The following SLK variants were observed in gnomAD, a reference collection of about 807,000 sequenced individuals.
The protein encoded by SLK is STE20 like kinase, also known as STE20-like serine/threonine-protein kinase.
SLK carries 67 observed loss-of-function variants against 147.7 expected under a neutral mutation model. The observed-to-expected ratio is 0.45, with a 90% CI of 0.37 to 0.56. The LOEUF (loss-of-function observed/expected upper bound fraction) is 0.56. Ranked by LOEUF, SLK falls within the 20% of genes least tolerant of loss-of-function variation. The probability of loss-of-function intolerance (pLI) is 0.00; values close to 1 mark genes in which losing one functional copy is unlikely to be tolerated. For synonymous variants in SLK, 441 were observed against 475.0 expected (o/e 0.93, Z 0.93); for missense variants, 1,136 against 1,438.8 (o/e 0.79, Z 3.41).
At chr10:104,009,553 G>A (rs565229283) in intron 12 of SLK, among the ~76,000 whole-genome samples, 9 of 152,072 alleles carry the variant, frequency 5.9e-5, no homozygotes, top group African/African-American at 2.2e-4. Flanking sequence ...ATGTAGAATT[G>A]CTGTATATAC....
rs769225931 is a variant in SLK at position 104,003,270 on chromosome 10, G to A, written c.2092G>A (p.Val698Ile). ...AATTAAAAAAGAGCCTGAAGTTACTGTAGTTTCACAGCCCACTGAACCTCA... is the reference window on the plus strand; with the variant it reads ...AATTAAAAAAGAGCCTGAAGTTACTATAGTTTCACAGCCCACTGAACCTCA... ...VSIKKEPEVT[V>I]VSQPTEPQPV... The change falls in exon 9 of 19, where the codon GTA becomes ATA. Residue 698 changes from valine (V) to isoleucine (I), a missense_variant. Physicochemically the swap from Val to Ile is conservative, Grantham distance 29. Around this residue, in one of 6 missense-constraint regions of SLK, gnomAD observed 516 missense variants for 531.3 expected, o/e 0.97. Coordinates refer to ENST00000369755, the MANE Select transcript of SLK (RefSeq NM_014720.4). 1.9e-6 allele frequency: 3 copies of A among 1,613,846 alleles called. No homozygotes were observed. The highest frequency in any genetic ancestry group is 1.7e-5 in the Admixed American group (1 of 59,934).
intron 1 of SLK, 151 bp from the exon 2 acceptor site, chr10:103,990,524 T>G: frequency 2.1e-6 from 1 of 481,732 alleles, no homozygotes; most frequent in Non-Finnish European, 3.5e-6. Context: ...CTGTGGCTTG[T>G]CTTCTCATTC....
At chr10:103,980,356 CCAT>C (rs1464652761) in intron 1 of SLK, among the ~76,000 whole-genome samples, 1 of 152,122 alleles carries the variant, frequency 6.6e-6, no homozygotes, top group Non-Finnish European at 1.5e-5. Flanking sequence ...TGAAGATTCA[CCAT>C]CGTCATGATT....
Position 104,027,548 on chromosome 10 carries a change from G to A in SLK, c.*1828G>A, listed in dbSNP as rs1365566808. On this transcript the variant is annotated 3_prime_UTR_variant, in exon 19 of 19. Transcript: ENST00000369755. ...AATATTCAGGATGATGATAAAAATT[G>A]TTTATATTGTTATGATAAAAATGAC... The A allele has an allele frequency of 6.6e-6, 1 of 152,432 alleles. No individual in the cohort carries two copies. Among genetic ancestry groups the A allele is most frequent in the Non-Finnish European group, 1.5e-5 (1 of 67,974 alleles). 9.4% of individuals were successfully genotyped at this position (152,432 alleles called of 1,614,324 possible). A position where few individuals can be genotyped will look rare whatever the true frequency, so the allele number is the denominator to read the frequency against.
chr10:104,016,130 A>G (rs903084352), intron 13 of SLK, among the ~76,000 whole-genome samples: 2 of 152,096 alleles, frequency 1.3e-5, no homozygotes, highest in South Asian at 2.1e-4. Flanking sequence ...CATCCTGGCT[A>G]CCACGGTGAA....
chr10:103,985,853 G>A (rs1327269608), intron 1 of SLK, among the ~76,000 whole-genome samples: 1 of 152,144 alleles, frequency 6.6e-6, no homozygotes, highest in Admixed American at 6.5e-5. Context: ...TAATATGAGG[G>A]TGTAATTTTT....
chr10:104,009,680 A>G (rs1428170042), intron 12 of SLK, among the ~76,000 whole-genome samples: 1 of 152,158 alleles, frequency 6.6e-6, no homozygotes, highest in Non-Finnish European at 1.5e-5. Flanking sequence ...GTTTAATCCT[A>G]AATATAAAAG....
intron 6 of SLK, 51 bp from the exon 7 acceptor site, chr10:103,999,811 GTTTAA>G (rs1428811145): frequency 2.7e-5 from 20 of 737,530 alleles, no homozygotes; most frequent in East Asian, 7.9e-5. Flanking sequence ...AAAGAGTTTT[GTTTAA>G]TTTGATTAAC....
chr10:104,027,396 A>G lies in SLK; in HGVS notation c.*1676A>G, dbSNP rs970179599. ...ATATATACATATATACATATTATGT[A>G]TGGTTGTAAATTCATACACTTATCA... On this transcript the variant is annotated 3_prime_UTR_variant, in exon 19 of 19. Transcript: ENST00000369755. The G allele has an allele frequency of 5.2e-5, 8 of 152,510 alleles. No homozygotes were observed. Among genetic ancestry groups the G allele is most frequent in the African/African-American group, 1.9e-4 (8 of 41,416 alleles). The allele number at this position is 152,510 out of a possible 1,614,324, so 9.4% of individuals were successfully genotyped here.
chr10:104,002,676 G>C lies in SLK; in HGVS notation c.1498G>C (p.Asp500His). The C allele has an allele frequency of 6.2e-7, 1 of 1,610,738 alleles. No individual in the cohort carries two copies. The highest frequency in any genetic ancestry group is 1.1e-5 in the South Asian group (1 of 90,756). The change falls in exon 9 of 19, where the codon GAT becomes CAT. Residue 500 changes from aspartate to histidine, a missense_variant. Physicochemically the swap from Asp to His is moderately conservative, Grantham distance 81. Coordinates refer to ENST00000369755, the MANE Select transcript of SLK (RefSeq NM_014720.4). The stretch of plus-strand genomic sequence containing the variant: ...TAAAGATACTATTTTGCAAACAGTA[G>C]ATTTAGTTTCTCAAGAGACTGGAGA... The part of the protein sequence containing the change: ...EIKDTILQTV[D>H]LVSQETGEKE...
intron 7 of SLK, among the ~76,000 whole-genome samples, chr10:104,001,058 C>CAAAAAAAAAA (rs57046306): frequency 2.8e-5 from 2 of 71,006 alleles, no homozygotes; most frequent in Non-Finnish European, 2.4e-5. Flanking sequence ...GACTCCGTCT[C>CAAAAAAAAAA]AAAAAAAAAA....
chr10:104,020,718 C>G, intron 17 of SLK, 105 bp downstream of exon 17: 6 of 1,254,654 alleles, frequency 4.8e-6, no homozygotes, highest in Non-Finnish European at 6.6e-6. Flanking sequence ...CATACACGAA[C>G]ATGCTGGGTT....
chr10:103,977,212 C>T (rs1843883290), intron 1 of SLK, among the ~76,000 whole-genome samples: 1 of 151,484 alleles, frequency 6.6e-6, no homozygotes, highest in Non-Finnish European at 1.5e-5. Context: ...TTTTCCTGAT[C>T]CATAGAGGTA....
At chr10:103,984,229 G>T (rs1368458227) in intron 1 of SLK, among the ~76,000 whole-genome samples, 1 of 152,034 alleles carries the variant, frequency 6.6e-6, no homozygotes, top group Non-Finnish European at 1.5e-5. Flanking sequence ...AATAATTTGA[G>T]ATTTTTCTTA....
At chr10:103,994,544 C>T (rs559026972) in intron 4 of SLK, among the ~76,000 whole-genome samples, 2 of 151,952 alleles carry the variant, frequency 1.3e-5, no homozygotes, top group Admixed American at 6.5e-5. Flanking sequence ...GGGATGAGGG[C>T]AATATCACCC....
At chr10:103,990,155 A>G (rs893819258) in intron 1 of SLK, among the ~76,000 whole-genome samples, 2 of 152,218 alleles carry the variant, frequency 1.3e-5, no homozygotes, top group Admixed American at 6.5e-5. Flanking sequence ...GGATGCAGTA[A>G]AAAGATCAGT....
At chr10:104,001,320 T>A in intron 7 of SLK, 124 bp from the exon 8 acceptor site, 1 of 747,574 alleles carries the variant, frequency 1.3e-6, no homozygotes, top group Non-Finnish European at 2.2e-6. Flanking sequence ...TATCTGAAGT[T>A]TTCTGTCATT....
chr10:103,982,206 T>G (rs1466272240), intron 1 of SLK, among the ~76,000 whole-genome samples: 1 of 152,232 alleles, frequency 6.6e-6, no homozygotes. Context: ...TTTTGTGTTC[T>G]GTTTTTCATC....
At chr10:103,981,314 A>G (rs1843939357) in intron 1 of SLK, among the ~76,000 whole-genome samples, 1 of 151,924 alleles carries the variant, frequency 6.6e-6, no homozygotes, top group Non-Finnish European at 1.5e-5. Context: ...TTACTGTAAT[A>G]TTGTCTTTTA....
Sources: gnomAD v4.1 joint callset for allele counts (sites outside exome capture counted in the v4.1 genomes callset) on GRCh38, gnomAD v4.1.1 for gene constraint, gnomAD v4.1.1 regional missense constraint, MANE v1.5 for transcripts, NCBI Gene and HGNC (gene_info 2026-07-23, HGNC 2026-07-21) for gene names.